PMFBP1: variants seen among roughly 807,000 people sequenced by gnomAD.
The protein encoded by PMFBP1 is polyamine modulated factor 1 binding protein 1, also known as polyamine-modulated factor 1-binding protein 1.
A neutral mutation model predicts 137.8 loss-of-function variants in PMFBP1; 131 were observed. The ratio of observed to expected loss-of-function variants is 0.95; its 90% CI spans 0.82 to 1.10. The LOEUF (loss-of-function observed/expected upper bound fraction) is 1.10, where lower values mean the gene tolerates loss of function less well. Ranked by LOEUF, PMFBP1 falls within the 50% of genes least tolerant of loss-of-function variation. The probability of loss-of-function intolerance (pLI) is 0.00; values close to 1 mark genes in which losing one functional copy is unlikely to be tolerated. For missense variants in PMFBP1, 1,199 were observed against 1,175.4 expected (o/e 1.02, Z -0.29); for synonymous variants, 490 against 450.4 (o/e 1.09, Z -1.11).
At position 72,136,475 on chromosome 16, in the gene PMFBP1, G is replaced by A; in HGVS notation, c.1176C>T (p.Thr392=). ...LQELQLEFTE[T]QKLTLKKDKF... is the part of the protein sequence containing the mutation. ...TGTCTTTCTTCAAAGTGAGCTTTTG[G>A]GTCTCGGTGAACTCCAGCTGCAGCT... Residue 392 remains threonine, a synonymous_variant, in exon 9 of 21, where the codon ACC becomes ACT. Transcript: ENST00000237353. 6.2e-7 allele frequency: 1 copy of A among 1,613,842 alleles called. No homozygotes were observed.
chr16:72,157,423 C>A (rs1283166620), intron 3 of PMFBP1, among the ~76,000 whole-genome samples: 3 of 152,052 alleles, frequency 2.0e-5, no homozygotes, highest in Admixed American at 6.6e-5. Flanking sequence ...TGAACCGAAA[C>A]TTGAAGGAGG....
upstream of PMFBP1, among the ~76,000 whole-genome samples, chr16:72,181,873 G>T (rs1446303154): frequency 6.6e-6 from 1 of 152,214 alleles, no homozygotes; most frequent in African/African-American, 2.4e-5. Flanking sequence ...GTTTACAGGG[G>T]TGTCCAATCT....
At chr16:72,164,585 C>T (rs906107817) in intron 3 of PMFBP1, 179 bp downstream of exon 3, 263 of 1,215,478 alleles carry the variant, frequency 2.2e-4, no homozygotes, top group Non-Finnish European at 2.7e-4. Context: ...GCAGGACTGG[C>T]ATTTTCCATG....
chr16:72,203,252 G>C, the PMFBP1 span, among the ~76,000 whole-genome samples: 8 of 152,088 alleles, frequency 5.3e-5, no homozygotes, highest in African/African-American at 1.7e-4. Context: ...TCTGCTTTTA[G>C]CAGAAAATAT....
the PMFBP1 span, among the ~76,000 whole-genome samples, chr16:72,222,883 C>CT: frequency 6.6e-6 from 1 of 152,128 alleles, no homozygotes. Flanking sequence ...TAAGTTGACT[C>CT]TTAAAGGAGC....
chr16:72,135,955 A>G (rs557963889), intron 9 of PMFBP1, among the ~76,000 whole-genome samples: 54 of 151,336 alleles, frequency 3.6e-4, no homozygotes, highest in African/African-American at 1.1e-3. Context: ...GGGTTTCATC[A>G]TGTTACCCAG....
intron 2 of PMFBP1, among the ~76,000 whole-genome samples, chr16:72,165,154 G>A (rs947131393): frequency 1.3e-5 from 2 of 152,130 alleles, no homozygotes; most frequent in Admixed American, 1.3e-4. Flanking sequence ...ACACTGCTGG[G>A]GGTGCACAAC....
chr16:72,144,806 G>T (rs936234999), intron 5 of PMFBP1, among the ~76,000 whole-genome samples: 1 of 152,066 alleles, frequency 6.6e-6, no homozygotes, highest in Non-Finnish European at 1.5e-5. Flanking sequence ...AATGGTAAAG[G>T]GATCAATGCA....
chr16:72,166,875 G>C (rs2043152236), intron 2 of PMFBP1, among the ~76,000 whole-genome samples: 1 of 152,228 alleles, frequency 6.6e-6, no homozygotes, highest in Non-Finnish European at 1.5e-5. Context: ...TCTTCTAAGA[G>C]AGTTACAGCT....
At chr16:72,149,309 A>C (rs2042862738) in intron 5 of PMFBP1, among the ~76,000 whole-genome samples, 1 of 152,226 alleles carries the variant, frequency 6.6e-6, no homozygotes, top group South Asian at 2.1e-4. Context: ...TTATTGGTAA[A>C]AGTGTAAACT....
At position 72,136,748 on chromosome 16, in the gene PMFBP1, C is replaced by G; in HGVS notation, c.990G>C (p.Lys330Asn). ...LHVEEYQNLV[K>N]DLRVELEAVS... ...CGGCCTCTAGTTCCACGCGCAGATC[C>G]TTCACCAGGTTCTGGTACTCCTCCA... Residue 330 changes from lysine (K) to asparagine (N), a missense_variant, in exon 8 of 21, where the codon AAG (lysine) becomes AAC (asparagine). By Grantham distance (94) the Lys-to-Asn change is moderately conservative. Transcript: ENST00000237353. The G allele has an allele frequency of 6.2e-7, 1 of 1,614,204 alleles. No homozygotes were observed. The highest frequency in any genetic ancestry group is 1.1e-5 in the South Asian group (1 of 91,084).
At chr16:72,235,356 T>C in the PMFBP1 span, among the ~76,000 whole-genome samples, 12 of 152,246 alleles carry the variant, frequency 7.9e-5, no homozygotes, top group Non-Finnish European at 1.8e-4. Flanking sequence ...GGATTCTCAA[T>C]TCTATTTCAT....
intron 5 of PMFBP1, 23 bp from the exon 6 acceptor site, chr16:72,140,605 G>T: frequency 6.2e-7 from 1 of 1,601,950 alleles, no homozygotes; most frequent in Non-Finnish European, 8.5e-7. Context: ...AAAATAATGG[G>T]TTGATTTTGC....
chr16:72,139,892 ACCC>A (rs752513578), intron 6 of PMFBP1, among the ~76,000 whole-genome samples: 3 of 151,954 alleles, frequency 2.0e-5, no homozygotes, highest in Admixed American at 6.6e-5. Context: ...GAAAAGTGAA[ACCC>A]CCTCTTCACT....
chr16:72,238,331 A>G, the PMFBP1 span, among the ~76,000 whole-genome samples: 2 of 152,158 alleles, frequency 1.3e-5, no homozygotes, highest in East Asian at 1.9e-4. Flanking sequence ...TGACTTTTTA[A>G]TAATAGGCAT....
chr16:72,200,775 G>A, the PMFBP1 span, among the ~76,000 whole-genome samples: 2 of 152,230 alleles, frequency 1.3e-5, no homozygotes, highest in East Asian at 1.9e-4. Context: ...GCAACCCTGT[G>A]ATGTAGGTGG....
At chr16:72,159,418 G>C (rs1173258461) in intron 3 of PMFBP1, among the ~76,000 whole-genome samples, 2 of 152,206 alleles carry the variant, frequency 1.3e-5, no homozygotes, top group Non-Finnish European at 2.9e-5. Flanking sequence ...ATTTTGGTCT[G>C]AGGCAACATG....
intron 3 of PMFBP1, chr16:72,164,417 T>A: frequency 7.6e-7 from 1 of 1,319,492 alleles, no homozygotes; most frequent in Non-Finnish European, 9.9e-7. Flanking sequence ...GACTTAGAAG[T>A]TTGTCTGAGA....
At chr16:72,158,238 T>A (rs1482745336) in intron 3 of PMFBP1, among the ~76,000 whole-genome samples, 1 of 152,012 alleles carries the variant, frequency 6.6e-6, no homozygotes, top group Non-Finnish European at 1.5e-5. Flanking sequence ...GCAAAAGAAA[T>A]CCTAGGCAAA....
Sources: allele counts gnomAD v4.1 joint callset (sites outside exome capture counted in the v4.1 genomes callset), GRCh38; gene constraint gnomAD v4.1.1; transcripts MANE v1.5; gene names NCBI Gene and HGNC (gene_info 2026-07-23, HGNC 2026-07-21).